The following DLGAP2 variants were observed in gnomAD, a reference collection of about 807,000 sequenced individuals.
DLGAP2 encodes the protein DLG associated protein 2.
In DLGAP2, 26 loss-of-function variants were observed where a neutral mutation model predicts 100.3. That is an observed-to-expected ratio of 0.26 (90% CI 0.19 to 0.36). DLGAP2 has a LOEUF of 0.36. Ranked by LOEUF, DLGAP2 falls within the 10% of genes least tolerant of loss-of-function variation. The pLI is 1.00. For missense variants in DLGAP2, 1,858 were observed against 1,453.2 expected (o/e 1.28, Z -4.53); for synonymous variants, 886 against 630.1 (o/e 1.41, Z -6.08).
intron 9 of DLGAP2, 71 bp downstream of exon 9, chr8:1,668,749 A>G: frequency 7.3e-7 from 1 of 1,365,146 alleles, no homozygotes. Flanking sequence ...ATAAGCCAAA[A>G]CCCAACCAGC....
chr8:1,243,158 C>T (rs76669343), intron 2 of DLGAP2, among the ~76,000 whole-genome samples: 12,887 of 152,138 alleles, frequency 0.085, 1,298 homozygotes, highest in African/African-American at 0.24. Context: ...AAAGGCAGGG[C>T]GTGCTCATGG....
intron 1 of DLGAP2, among the ~76,000 whole-genome samples, chr8:763,647 C>G (rs919542636): frequency 6.6e-6 from 1 of 152,024 alleles, no homozygotes; most frequent in Non-Finnish European, 1.5e-5. Context: ...GGTGGCGACC[C>G]AGAGAGGCAG....
intron 2 of DLGAP2, among the ~76,000 whole-genome samples, chr8:1,046,092 A>G (rs1473728432): frequency 6.6e-6 from 1 of 152,216 alleles, no homozygotes; most frequent in Non-Finnish European, 1.5e-5. Flanking sequence ...CAGCAATATA[A>G]AAGCTGCCCA....
chr8:1,488,045 G>C (rs1481741526), intron 3 of DLGAP2, among the ~76,000 whole-genome samples: 1 of 152,170 alleles, frequency 6.6e-6, no homozygotes, highest in Non-Finnish European at 1.5e-5. Context: ...CTTCGTTGAG[G>C]AGGGCAGAGG....
At chr8:1,193,256 C>T (rs531619484) in intron 2 of DLGAP2, among the ~76,000 whole-genome samples, 2 of 152,284 alleles carry the variant, frequency 1.3e-5, no homozygotes, top group African/African-American at 2.4e-5. Context: ...ACACCGTCTT[C>T]CACAATGGTT....
At chr8:866,247 G>A (rs1418104266) in intron 1 of DLGAP2, among the ~76,000 whole-genome samples, 1 of 152,188 alleles carries the variant, frequency 6.6e-6, no homozygotes, top group African/African-American at 2.4e-5. Flanking sequence ...ATCTTCCGGG[G>A]CCGTGCCGGT....
chr8:1,198,408 G>C (rs1473856844), intron 2 of DLGAP2, among the ~76,000 whole-genome samples: 1 of 152,164 alleles, frequency 6.6e-6, no homozygotes, highest in African/African-American at 2.4e-5. Flanking sequence ...CCTGGACCTT[G>C]TGTCCTGGGT....
chr8:1,202,366 C>A (rs1196927081), intron 2 of DLGAP2, among the ~76,000 whole-genome samples: 6 of 151,714 alleles, frequency 4.0e-5, no homozygotes, highest in Admixed American at 1.3e-4. Context: ...CTCTTGGCAC[C>A]TGTTGTGCTG....
chr8:1,654,458 T>C (rs893435554), intron 8 of DLGAP2, among the ~76,000 whole-genome samples: 1 of 151,976 alleles, frequency 6.6e-6, no homozygotes, highest in Non-Finnish European at 1.5e-5. Context: ...GGTTGGGAGT[T>C]CGAGACCACC....
chr8:1,699,964 T>C (rs931619763), intron 14 of DLGAP2, among the ~76,000 whole-genome samples: 2 of 152,208 alleles, frequency 1.3e-5, no homozygotes, highest in African/African-American at 2.4e-5. Context: ...AGGACAGTTA[T>C]GTGCTGAAAA....
intron 3 of DLGAP2, among the ~76,000 whole-genome samples, chr8:1,334,139 A>C (rs1801219405): frequency 6.6e-6 from 1 of 152,232 alleles, no homozygotes; most frequent in Admixed American, 6.5e-5. Context: ...AGTGAGTCTG[A>C]GAGCTCCTCA....
chr8:1,502,145 G>T (rs1409821577), intron 4 of DLGAP2, among the ~76,000 whole-genome samples: 1 of 152,178 alleles, frequency 6.6e-6, no homozygotes, highest in Admixed American at 6.5e-5. Flanking sequence ...TCTGTCTGTG[G>T]TTATTCTCTA....
intron 2 of DLGAP2, among the ~76,000 whole-genome samples, chr8:1,201,200 G>A (rs1232861517): frequency 1.3e-5 from 2 of 152,216 alleles, no homozygotes; most frequent in African/African-American, 4.8e-5. Context: ...GTCCATCAGG[G>A]TTCTCGAGAG....
chr8:1,283,031 A>T (rs1799849871), intron 3 of DLGAP2, among the ~76,000 whole-genome samples: 1 of 126,170 alleles, frequency 7.9e-6, no homozygotes, highest in Non-Finnish European at 1.6e-5. Context: ...TGAGCCCAGC[A>T]CGTGAACCAT....
intron 2 of DLGAP2, among the ~76,000 whole-genome samples, chr8:1,112,237 ATT>A (rs4044488): frequency 5.1e-5 from 5 of 98,030 alleles, no homozygotes; most frequent in African/African-American, 2.0e-4. Context: ...TCCTTTGCCC[ATT>A]TTTTTTTTTT....
At chr8:969,752 C>G (rs1056476588) in intron 2 of DLGAP2, among the ~76,000 whole-genome samples, 1 of 152,040 alleles carries the variant, frequency 6.6e-6, no homozygotes, top group Non-Finnish European at 1.5e-5. Flanking sequence ...TGGAGGGAGC[C>G]TGGTGGGAGA....
intron 2 of DLGAP2, among the ~76,000 whole-genome samples, chr8:931,865 A>G (rs1798966722): frequency 6.6e-6 from 1 of 152,038 alleles, no homozygotes; most frequent in Admixed American, 6.5e-5. Context: ...TAAAACCCGC[A>G]ATTTTGAGTC....
chr8:1,701,473 C>G lies in DLGAP2; in HGVS notation c.*67C>G. ...CGGACGCTTGTGCAGCGCGGCGCCG[C>G]CCTGGTGGTTTCTGTCTCCTCCTCC... On this transcript the variant is annotated 3_prime_UTR_variant, in exon 15 of 15. Transcript: ENST00000637795. 1 of 1,473,300 alleles carries G rather than the reference C, an allele frequency of 6.8e-7. No homozygotes were observed. Among genetic ancestry groups the G allele is most frequent in the Non-Finnish European group, 9.1e-7 (1 of 1,099,398 alleles). The allele number at this position is 1,473,300 out of a possible 1,614,324, so 91.3% of individuals were successfully genotyped here. A position where few individuals can be genotyped will look rare whatever the true frequency, so the allele number is the denominator to read the frequency against.
At chr8:1,415,513 C>A (rs184400009) in intron 3 of DLGAP2, among the ~76,000 whole-genome samples, 5 of 152,232 alleles carry the variant, frequency 3.3e-5, no homozygotes, top group Admixed American at 6.5e-5. Context: ...ACCTTTATGT[C>A]CACGTGTGCC....
Sources: gnomAD v4.1 joint callset for allele counts (sites outside exome capture counted in the v4.1 genomes callset) on GRCh38, gnomAD v4.1.1 for gene constraint, MANE v1.5 for transcripts, NCBI Gene and HGNC (gene_info 2026-07-23, HGNC 2026-07-21) for gene names.